Variants in NF1 observed in about 807,000 individuals in gnomAD.
NF1 encodes the protein neurofibromin.
NF1 carries 122 observed loss-of-function variants against 325.7 expected under a neutral mutation model. The observed-to-expected ratio is 0.37, with a 90% CI of 0.32 to 0.44. The LOEUF (loss-of-function observed/expected upper bound fraction) is 0.44, where lower values mean the gene tolerates loss of function less well. Ranked by LOEUF, NF1 falls within the 20% of genes least tolerant of loss-of-function variation. The pLI is 1.00. For missense variants in NF1, 2,140 were observed against 3,415.4 expected (o/e 0.63, Z 9.31); for synonymous variants, 1,091 against 1,186.0 (o/e 0.92, Z 1.65).
At chr17:31,305,250 G>T in intron 36 of NF1, 5 of 1,614,138 alleles carry the variant, frequency 3.1e-6, no homozygotes, top group Non-Finnish European at 3.4e-6. Flanking sequence ...AGGTGAACAC[G>T]GCTTGCTGGG....
chr17:31,138,004 T>G (rs1467327680), intron 1 of NF1: 3 of 152,156 alleles, frequency 2.0e-5, no homozygotes, highest in African/African-American at 7.2e-5. Context: ...TTGTCCTTGC[T>G]ATTCTGCAGT....
At chr17:31,105,027 A>G (rs1912728875) in intron 1 of NF1, among the ~76,000 whole-genome samples, 1 of 152,070 alleles carries the variant, frequency 6.6e-6, no homozygotes, top group African/African-American at 2.4e-5. Flanking sequence ...CCTCCCGAAT[A>G]TCTAGGACTA....
At chr17:31,164,636 C>T (rs186363645) in intron 4 of NF1, among the ~76,000 whole-genome samples, 1 of 152,234 alleles carries the variant, frequency 6.6e-6, no homozygotes, top group African/African-American at 2.4e-5. Flanking sequence ...TGTTTTCCAG[C>T]AGGTGTGAAA....
At chr17:31,182,950 C>T (rs1425525547) in intron 8 of NF1, 4 of 589,038 alleles carry the variant, frequency 6.8e-6, no homozygotes, top group Non-Finnish European at 1.2e-5. Flanking sequence ...TATTATTAAA[C>T]GTAGTTTCTC....
intron 11 of NF1, among the ~76,000 whole-genome samples, chr17:31,202,528 A>G (rs2066548682): frequency 6.6e-6 from 1 of 152,152 alleles, no homozygotes; most frequent in East Asian, 1.9e-4. Flanking sequence ...TTTAGTGAGC[A>G]TTTTGGGAGG....
intron 36 of NF1, among the ~76,000 whole-genome samples, chr17:31,289,182 T>A (rs2068300683): frequency 6.6e-6 from 1 of 152,200 alleles, no homozygotes; most frequent in Non-Finnish European, 1.5e-5. Flanking sequence ...GCAGCATCTC[T>A]GAAAGCCTGG....
chr17:31,352,270 A>T lies in NF1; in HGVS notation c.7471A>T (p.Thr2491Ser), dbSNP rs2151576933. The change falls in exon 51 of 58, where the codon ACT becomes TCT. Residue 2491 changes from threonine to serine, a missense_variant. Transcript: ENST00000358273. ...TTCATCTTTCAGGACACTAAAGGAG[A>T]CTCAGCCATGGTCCTCTCCCAAAGG... ...GDPSYRTLKE[T>S]QPWSSPKGSE... The T allele has an allele frequency of 6.2e-7, 1 of 1,613,922 alleles. No homozygotes were observed. Among genetic ancestry groups the T allele is most frequent in the Non-Finnish European group, 8.5e-7 (1 of 1,179,972 alleles).
chr17:31,172,787 T>C (rs2065952207), intron 5 of NF1, among the ~76,000 whole-genome samples: 1 of 152,210 alleles, frequency 6.6e-6, no homozygotes, highest in Admixed American at 6.5e-5. Context: ...ATAGAAAGGC[T>C]TTGAGGTAGA....
intron 1 of NF1, among the ~76,000 whole-genome samples, chr17:31,150,790 G>A (rs565315227): frequency 6.6e-6 from 1 of 152,178 alleles, no homozygotes; most frequent in East Asian, 1.9e-4. Context: ...CCAGCACTTT[G>A]GGAGGCCGAG....
intron 30 of NF1, chr17:31,249,912 C>A (rs1299074205): frequency 6.2e-6 from 3 of 483,282 alleles, no homozygotes; most frequent in Non-Finnish European, 1.2e-5. Flanking sequence ...AAGGGAAATA[C>A]ACAGTTATCA....
intron 36 of NF1, among the ~76,000 whole-genome samples, chr17:31,292,787 T>C (rs1291400581): frequency 6.6e-6 from 1 of 152,158 alleles, no homozygotes; most frequent in Non-Finnish European, 1.5e-5. Flanking sequence ...AATGCAGTAG[T>C]CTATAATTTG....
intron 36 of NF1, among the ~76,000 whole-genome samples, chr17:31,268,498 G>T (rs368838299): frequency 6.6e-6 from 1 of 151,770 alleles, no homozygotes; most frequent in African/African-American, 2.4e-5. Context: ...GTGGTGGCAC[G>T]TGGCTGTAGT....
At chr17:31,215,550 G>A (rs1389179746) in intron 13 of NF1, among the ~76,000 whole-genome samples, 1 of 152,142 alleles carries the variant, frequency 6.6e-6, no homozygotes, top group African/African-American at 2.4e-5. Context: ...AATTGAAATA[G>A]TACATACAAT....
chr17:31,249,456 A>G (rs2067457244), intron 30 of NF1, among the ~76,000 whole-genome samples: 2 of 152,212 alleles, frequency 1.3e-5, no homozygotes. Context: ...TAAATTATTT[A>G]CAGGGTGTTT....
rs778325867 is a variant in NF1, at chr17:31,227,205, T to C, written c.2252-13T>C. The C allele has an allele frequency of 6.2e-7, 1 of 1,613,380 alleles. No homozygotes were observed. The highest frequency in any genetic ancestry group is 1.3e-5 in the African/African-American group (1 of 74,896). On this transcript the variant is annotated splice_polypyrimidine_tract_variant and intron_variant, in intron 18 of 57. Coordinates refer to ENST00000358273, the MANE Select transcript of NF1 (RefSeq NM_001042492.3). Reference sequence around the variant, plus strand: ...TAAGTGCAGTAACTTGATTTGCTGTTGTATTTGCTTAGGAAGAGCAGCACT... The same window carrying C: ...TAAGTGCAGTAACTTGATTTGCTGTCGTATTTGCTTAGGAAGAGCAGCACT...
intron 30 of NF1, chr17:31,252,248 C>T (rs931469443): frequency 5.0e-6 from 1 of 200,848 alleles, no homozygotes; most frequent in South Asian, 1.9e-4. Context: ...AATATTAATG[C>T]TTCTTACTAG....
chr17:31,221,931 T>TA lies in NF1; in HGVS notation c.1721+3dup, dbSNP rs1329765790. On this transcript the variant is annotated splice_region_variant and intron_variant, in intron 15 of 57. Transcript: ENST00000358273. The stretch of plus-strand genomic sequence containing the variant: ...TGTAGAAACATTTTGGGAGATTAGG[T>TA]ATATGTACTTTTATTTTTTAAATTC... 1 of 1,591,376 alleles carries TA rather than the reference T, an allele frequency of 6.3e-7. No homozygotes were observed. Among genetic ancestry groups the TA allele is most frequent in the Admixed American group, 1.7e-5 (1 of 57,752 alleles).
At chr17:31,150,388 C>T (rs558851870) in intron 1 of NF1, among the ~76,000 whole-genome samples, 1 of 152,272 alleles carries the variant, frequency 6.6e-6, no homozygotes, top group South Asian at 2.1e-4. Flanking sequence ...CACGCACCAC[C>T]AGTACAATTT....
At chr17:31,244,213 C>T (rs1489769400) in intron 29 of NF1, among the ~76,000 whole-genome samples, 1 of 152,136 alleles carries the variant, frequency 6.6e-6, no homozygotes, top group Non-Finnish European at 1.5e-5. Flanking sequence ...TTTACTCTCT[C>T]CACTCTTGTA....
Sources: allele counts gnomAD v4.1 joint callset (sites outside exome capture counted in the v4.1 genomes callset), GRCh38; gene constraint gnomAD v4.1.1; transcripts MANE v1.5; gene names NCBI Gene and HGNC (gene_info 2026-07-23, HGNC 2026-07-21).